The following PCGF6 variants were observed in gnomAD, a reference collection of about 807,000 sequenced individuals.
The protein encoded by PCGF6 is polycomb group ring finger 6.
In PCGF6, 24 loss-of-function variants were observed where a neutral mutation model predicts 45.5. That is an observed-to-expected ratio of 0.53 (90% CI 0.38 to 0.74). The LOEUF is 0.74. Among genes scored for constraint, PCGF6 ranks in the 30% least tolerant of loss-of-function variants. The pLI is 0.00. For synonymous variants in PCGF6, 152 were observed against 162.1 expected, an observed-to-expected ratio of 0.94 and a Z score of 0.47; for missense variants, 356 against 443.2, an observed-to-expected ratio of 0.80 and a Z score of 1.77.
intron 8 of PCGF6, among the ~76,000 whole-genome samples, chr10:103,318,947 A>G (rs1592059767): frequency 6.6e-6 from 1 of 152,194 alleles, no homozygotes; most frequent in South Asian, 2.1e-4. Flanking sequence ...TCTTTTGTGC[A>G]TAATATCTTA....
intron 6 of PCGF6, among the ~76,000 whole-genome samples, chr10:103,337,783 G>A (rs1266620980): frequency 8.8e-5 from 4 of 45,586 alleles, no homozygotes; most frequent in Admixed American, 6.4e-4. Flanking sequence ...CAAAATTAGC[G>A]GCCGGGCGCG....
intron 7 of PCGF6, among the ~76,000 whole-genome samples, chr10:103,327,449 A>T (rs185557454): frequency 6.6e-6 from 1 of 152,264 alleles, no homozygotes; most frequent in East Asian, 1.9e-4. Flanking sequence ...AACTATCAAC[A>T]ATTTTCAGGG....
intron 6 of PCGF6, among the ~76,000 whole-genome samples, chr10:103,343,233 G>A (rs549280187): frequency 6.6e-6 from 1 of 151,696 alleles, no homozygotes; most frequent in Non-Finnish European, 1.5e-5. Context: ...CGGCCTTAGG[G>A]GTTCTTAATA....
At chr10:103,313,617 G>GA (rs59567810) in intron 9 of PCGF6, among the ~76,000 whole-genome samples, 7,513 of 147,998 alleles carry the variant, frequency 0.051, 631 homozygotes, top group African/African-American at 0.17. Context: ...GTAGCTGATA[G>GA]AAAAAAAAAA....
At chr10:103,348,074 G>T (rs1008916458) in intron 3 of PCGF6, among the ~76,000 whole-genome samples, 12 of 152,056 alleles carry the variant, frequency 7.9e-5, no homozygotes, top group Non-Finnish European at 1.5e-4. Context: ...AATGACAAAT[G>T]GGCTTTACTA....
At chr10:103,337,283 C>CT (rs2093260547) in intron 6 of PCGF6, among the ~76,000 whole-genome samples, 1 of 152,122 alleles carries the variant, frequency 6.6e-6, no homozygotes, top group African/African-American at 2.4e-5. Context: ...TCCTAAGACT[C>CT]TATTTTCTTT....
intron 6 of PCGF6, among the ~76,000 whole-genome samples, chr10:103,335,693 C>CCTATTTGTAAGAAAAAAAA (rs1320407483): frequency 1.3e-5 from 2 of 150,134 alleles, no homozygotes; most frequent in Admixed American, 6.7e-5. Flanking sequence ...ATAGGCTGGG[C>CCTATTTGTAAGAAAAAAAA]GAGGTGGCTG....
chr10:103,336,247 T>TA (rs930451064), intron 6 of PCGF6, among the ~76,000 whole-genome samples: 10 of 147,814 alleles, frequency 6.8e-5, no homozygotes, highest in South Asian at 2.1e-4. Context: ...AAAAAAAATT[T>TA]AAAAAAAAAT....
chr10:103,320,860 A>C (rs2093194724), intron 8 of PCGF6, among the ~76,000 whole-genome samples: 1 of 151,544 alleles, frequency 6.6e-6, no homozygotes, highest in African/African-American at 2.4e-5. Context: ...CACATTTCCC[A>C]CCTGGGACTA....
chr10:103,336,812 T>C (rs576612663), intron 6 of PCGF6, among the ~76,000 whole-genome samples: 12 of 151,872 alleles, frequency 7.9e-5, no homozygotes, highest in Admixed American at 5.9e-4. Flanking sequence ...GAGGCGGAGG[T>C]TGCAGTGAGC....
Position 103,348,576 on chromosome 10 carries a change from C to T in PCGF6, c.557+140G>A, listed in dbSNP as rs539593323. 21 of 627,544 alleles carry T rather than the reference C, an allele frequency of 3.3e-5. No homozygotes were observed. In the Admixed American group the frequency reaches 3.7e-4, roughly 11 times the overall value. 38.9% of individuals were successfully genotyped at this position (627,544 alleles called of 1,614,324 possible). On this transcript the variant is annotated intron_variant, in intron 3 of 9. Coordinates refer to ENST00000369847, the MANE Select transcript of PCGF6 (RefSeq NM_001011663.2). ...CTGATCTGAAGTGATCCACTCACCT[C>T]GGCCTCCCAAAGTGCTGGGATTATG...
chr10:103,303,843 T>C lies in PCGF6; in HGVS notation c.*62A>G. On this transcript the variant is annotated 3_prime_UTR_variant, in exon 10 of 10. Transcript: ENST00000369847. Reference sequence around the variant, plus strand: ...AGCAATTACATTTCATGGAAATCTTTGGTGAGATGCAGTCCTGCAGAAGCC... The same window carrying C: ...AGCAATTACATTTCATGGAAATCTTCGGTGAGATGCAGTCCTGCAGAAGCC... 2.2e-6 allele frequency: 3 copies of C among 1,384,098 alleles called. No individual in the cohort carries two copies. The highest frequency in any genetic ancestry group is 2.4e-5 in the South Asian group (2 of 82,574). The allele number at this position is 1,384,098 out of a possible 1,614,324, so 85.7% of individuals were successfully genotyped here.
intron 7 of PCGF6, among the ~76,000 whole-genome samples, chr10:103,332,390 C>A (rs2093243360): frequency 6.6e-6 from 1 of 152,112 alleles, no homozygotes; most frequent in Non-Finnish European, 1.5e-5. Context: ...CGTGATCCTG[C>A]CACCTTAGCT....
At chr10:103,333,849 T>C in intron 7 of PCGF6, 76 bp downstream of exon 7, 3 of 1,032,390 alleles carry the variant, frequency 2.9e-6, no homozygotes, top group East Asian at 2.7e-5. Context: ...ACAATCTCCA[T>C]TTGGTTGCTA....
At chr10:103,323,213 C>G (rs1448931719) in intron 8 of PCGF6, among the ~76,000 whole-genome samples, 1 of 152,136 alleles carries the variant, frequency 6.6e-6, no homozygotes, top group Non-Finnish European at 1.5e-5. Flanking sequence ...ATATGTCAAG[C>G]TCAGTTAGAG....
intron 9 of PCGF6, among the ~76,000 whole-genome samples, chr10:103,306,382 G>A (rs527398369): frequency 6.6e-6 from 1 of 152,164 alleles, no homozygotes; most frequent in South Asian, 2.1e-4. Flanking sequence ...ATAGGTGTGA[G>A]CCACAACGCC....
chr10:103,311,202 T>C (rs1307803327), intron 9 of PCGF6, among the ~76,000 whole-genome samples: 1 of 152,136 alleles, frequency 6.6e-6, no homozygotes, highest in Non-Finnish European at 1.5e-5. Flanking sequence ...TGTGCAGTAG[T>C]GCGATCTTGG....
intron 6 of PCGF6, among the ~76,000 whole-genome samples, chr10:103,340,344 G>A (rs1288380136): frequency 3.3e-5 from 5 of 151,540 alleles, no homozygotes; most frequent in African/African-American, 1.2e-4. Flanking sequence ...TTCCTCTACA[G>A]CAGGAAATGC....
intron 6 of PCGF6, among the ~76,000 whole-genome samples, chr10:103,334,983 A>G (rs1424071237): frequency 6.6e-6 from 1 of 152,154 alleles, no homozygotes; most frequent in African/African-American, 2.4e-5. Context: ...CATCAAAGCC[A>G]ATGTTCTTTC....
Sources: gnomAD v4.1 joint callset for allele counts (sites outside exome capture counted in the v4.1 genomes callset) on GRCh38, gnomAD v4.1.1 for gene constraint, MANE v1.5 for transcripts, NCBI Gene and HGNC (gene_info 2026-07-23, HGNC 2026-07-21) for gene names.